The following PDPN variants were observed in gnomAD, a reference collection of about 807,000 sequenced individuals.
PDPN encodes the protein PA2.26 antigen.
PDPN carries 12 observed loss-of-function variants against 23.2 expected under a neutral mutation model. The ratio of observed to expected loss-of-function variants is 0.52; its 90% CI spans 0.33 to 0.84. The LOEUF (loss-of-function observed/expected upper bound fraction) is 0.84. PDPN is among the 40% of genes least tolerant of loss of function. PDPN has a pLI of 0.02. For synonymous variants in PDPN, 77 were observed against 76.7 expected (o/e 1.00, Z -0.02); for missense variants, 199 against 212.2 (o/e 0.94, Z 0.39).
At chr1:13,590,400 C>T (rs984961021) in intron 1 of PDPN, among the ~76,000 whole-genome samples, 2 of 152,128 alleles carry the variant, frequency 1.3e-5, no homozygotes, top group Middle Eastern at 3.2e-3. Context: ...GTGTCCTGCG[C>T]GGCACATGCT....
rs1315928612 is a variant in PDPN at position 13,583,959 on chromosome 1, C to T, written c.-75C>T. On this transcript the variant is annotated 5_prime_UTR_variant, in exon 1 of 6. Transcript: ENST00000621990. ...CTCCTCCAGGCTGGGCCTGTGGCCG[C>T]GGTGCTTTTTAATTTTCCCCCAGCT... The T allele has an allele frequency of 6.2e-7, 1 of 1,613,704 alleles. No individual in the cohort carries two copies. The highest frequency in any genetic ancestry group is 8.5e-7 in the Non-Finnish European group (1 of 1,179,994).
At chr1:13,585,865 G>T (rs190553334) in intron 1 of PDPN, among the ~76,000 whole-genome samples, 1 of 152,174 alleles carries the variant, frequency 6.6e-6, no homozygotes, top group Non-Finnish European at 1.5e-5. Flanking sequence ...GTGGGCTTTT[G>T]TTGGGGAGCT....
intron 1 of PDPN, among the ~76,000 whole-genome samples, chr1:13,598,436 GTCTT>G (rs906533743): frequency 1.3e-4 from 20 of 152,050 alleles, no homozygotes; most frequent in Non-Finnish European, 2.9e-4. Flanking sequence ...CCTCTCCACT[GTCTT>G]TCTTAGATAA....
chr1:13,614,825 T>C (rs371066637), intron 5 of PDPN: 5 of 518,096 alleles, frequency 9.7e-6, no homozygotes, highest in Admixed American at 1.9e-5. Flanking sequence ...TCAAAAGGAC[T>C]ACATCTGAAG....
At chr1:13,592,304 G>T (rs1020237862) in intron 1 of PDPN, among the ~76,000 whole-genome samples, 1 of 152,108 alleles carries the variant, frequency 6.6e-6, no homozygotes, top group Non-Finnish European at 1.5e-5. Flanking sequence ...ATTGAATAGC[G>T]TTTAAAATTT....
At chr1:13,600,863 C>G (rs1199860776) in intron 1 of PDPN, among the ~76,000 whole-genome samples, 1 of 151,938 alleles carries the variant, frequency 6.6e-6, no homozygotes, top group African/African-American at 2.4e-5. Context: ...TGGAAAATTC[C>G]TAAGAGATGG....
At chr1:13,610,784 A>G (rs1004590350) in intron 3 of PDPN, among the ~76,000 whole-genome samples, 1 of 152,126 alleles carries the variant, frequency 6.6e-6, no homozygotes, top group African/African-American at 2.4e-5. Context: ...TGCATGGCGG[A>G]CTCCAAGTGG....
Position 13,617,572 on chromosome 1 carries a change from CG to C in PDPN, c.*1662del, listed in dbSNP as rs1641108146. Reference sequence around the variant, plus strand: ...ATTTTTAGTAGAGATGGGGTTTCACCGTATCGGCGAGGATGATCTCTATCTC... The same window carrying C: ...ATTTTTAGTAGAGATGGGGTTTCACCTATCGGCGAGGATGATCTCTATCTC... On this transcript the variant is annotated 3_prime_UTR_variant, in exon 6 of 6. Coordinates refer to ENST00000621990, the MANE Select transcript of PDPN (RefSeq NM_006474.5). 6.6e-6 allele frequency: 1 copy of C among 152,232 alleles called. No homozygotes were observed. Among genetic ancestry groups the C allele is most frequent in the African/African-American group, 2.4e-5 (1 of 41,440 alleles). The allele number at this position is 152,232 out of a possible 1,614,324, so 9.4% of individuals were successfully genotyped here.
Position 13,583,892 on chromosome 1 carries a change from C to T in PDPN, c.-142C>T, listed in dbSNP as rs1379545351. 2 of 1,611,352 alleles carry T rather than the reference C, an allele frequency of 1.2e-6. No individual in the cohort carries two copies. Among genetic ancestry groups the T allele is most frequent in the East Asian group, 2.2e-5 (1 of 44,880 alleles). On this transcript the variant is annotated 5_prime_UTR_variant, in exon 1 of 6. Coordinates refer to ENST00000621990, the MANE Select transcript of PDPN (RefSeq NM_006474.5). The stretch of plus-strand genomic sequence containing the variant: ...GGGAAGCTCGGGCACCCTCCCTCTC[C>T]GGGGCTCCTGCTCCCACCCCTCCGG...
At position 13,584,033 on chromosome 1, in the gene PDPN, G is replaced by T. The variant is rs141040955; in HGVS notation, c.-1G>T. 1 of 1,613,458 alleles carries T rather than the reference G, an allele frequency of 6.2e-7. No individual in the cohort carries two copies. Among genetic ancestry groups the T allele is most frequent in the East Asian group, 2.2e-5 (1 of 44,886 alleles). On this transcript the variant is annotated 5_prime_UTR_variant, in exon 1 of 6. Coordinates refer to ENST00000621990, the MANE Select transcript of PDPN (RefSeq NM_006474.5). ...AGGAGAGCAACAACTCAACGGGAAC[G>T]ATGTGGAAGGTGTCAGCTCTGCTCT...
At chr1:13,592,543 A>ATTTTTTTT (rs34176163) in intron 1 of PDPN, among the ~76,000 whole-genome samples, 1 of 105,080 alleles carries the variant, frequency 9.5e-6, no homozygotes, top group Non-Finnish European at 1.9e-5. Flanking sequence ...TGAAAAGATG[A>ATTTTTTTT]TTTTTTTTTT....
intron 1 of PDPN, among the ~76,000 whole-genome samples, chr1:13,596,293 T>C (rs565101013): frequency 6.6e-6 from 1 of 152,110 alleles, no homozygotes; most frequent in East Asian, 1.9e-4. Flanking sequence ...GGTGCCAGAC[T>C]CTAGGAATCT....
intron 1 of PDPN, among the ~76,000 whole-genome samples, chr1:13,591,182 C>T (rs572359210): frequency 2.0e-5 from 3 of 152,164 alleles, no homozygotes; most frequent in Non-Finnish European, 2.9e-5. Flanking sequence ...CCTCGTGATC[C>T]GCCCACCTCA....
At chr1:13,594,249 A>G (rs1286478919) in intron 1 of PDPN, among the ~76,000 whole-genome samples, 1 of 152,182 alleles carries the variant, frequency 6.6e-6, no homozygotes, top group African/African-American at 2.4e-5. Flanking sequence ...GTAAATGCCA[A>G]AATGTTATCA....
In PDPN at chr1:13,591,431, G is replaced by A. The variant is rs544796456; in HGVS notation, c.67+7331G>A. Among the ~76,000 whole-genome samples the A allele has an allele frequency of 9.9e-5, 15 of 152,120 alleles. 1 individual carries two copies. Among genetic ancestry groups the A allele is most frequent in the Admixed American group, 2.6e-4 (4 of 15,266 alleles). ...CTTCAGTAAAATCACAGAGTTATGC[G>A]ACCATCACCACTATCAATTTTAGAA... is the stretch of plus-strand genomic sequence containing the variant. On this transcript the variant is annotated intron_variant, in intron 1 of 5. Coordinates refer to ENST00000621990, the MANE Select transcript of PDPN (RefSeq NM_006474.5).
At chr1:13,608,464 G>A (rs1640849500) in intron 2 of PDPN, among the ~76,000 whole-genome samples, 1 of 152,128 alleles carries the variant, frequency 6.6e-6, no homozygotes, top group South Asian at 2.1e-4. Flanking sequence ...TGGCCTTTCT[G>A]ACCTTTGAAC....
rs145321210 is a variant in PDPN at position 13,600,726 on chromosome 1, C to T, written c.68-6447C>T. The stretch of plus-strand genomic sequence containing the variant: ...AATTCTGACACTTGTTGAAATTGTA[C>T]GGAAGACTTTAGTCAAGACCCCTGT... On this transcript the variant is annotated intron_variant, in intron 1 of 5. Transcript: ENST00000621990. Among the ~76,000 whole-genome samples, 117 of 152,156 alleles carry T rather than the reference C, an allele frequency of 7.7e-4. 1 individual carries two copies. The East Asian group carries it at 0.018, about 23-fold the overall frequency.
Position 13,615,881 on chromosome 1 carries a change from C to G in PDPN, c.483-24C>G, listed in dbSNP as rs370393698. On this transcript the variant is annotated intron_variant, in intron 5 of 5. Transcript: ENST00000621990. ...TCACAATGCCAGTAAGAGACACGAC[C>G]GTCACCCTTCTCTATTTTCACAGGC... The G allele has an allele frequency of 1.9e-6, 3 of 1,610,122 alleles. No homozygotes were observed. The East Asian group carries it at 6.7e-5, about 36-fold the overall frequency.
intron 1 of PDPN, among the ~76,000 whole-genome samples, chr1:13,602,451 A>G (rs1300694743): frequency 6.6e-6 from 1 of 152,254 alleles, no homozygotes; most frequent in Non-Finnish European, 1.5e-5. Flanking sequence ...CAAATGGATG[A>G]AACAACTCGC....
Sources: allele counts gnomAD v4.1 joint callset (sites outside exome capture counted in the v4.1 genomes callset), GRCh38; gene constraint gnomAD v4.1.1; transcripts MANE v1.5; gene names NCBI Gene and HGNC (gene_info 2026-07-23, HGNC 2026-07-21).